Variants in SVEP1 observed in about 807,000 individuals in gnomAD.
SVEP1 encodes sushi, von Willebrand factor type A, EGF and pentraxin domain containing 1, also known as sushi, von Willebrand factor type A, EGF and pentraxin domain-containing protein 1.
Under a neutral mutation model 367.3 loss-of-function variants are expected in SVEP1, and 164 were observed. The ratio of observed to expected loss-of-function variants is 0.45; its 90% CI spans 0.39 to 0.51. The LOEUF is 0.51. Among genes scored for constraint, SVEP1 ranks in the 20% least tolerant of loss-of-function variants. SVEP1 has a pLI of 0.00. For synonymous variants in SVEP1, 1,666 were observed against 1,611.6 expected, an observed-to-expected ratio of 1.03 and a Z score of -0.81; for missense variants, 4,117 against 4,425.3, an observed-to-expected ratio of 0.93 and a Z score of 1.98.
intron 32 of SVEP1, 40 bp from the exon 33 acceptor site, chr9:110,430,490 C>T (rs375693295): frequency 6.4e-7 from 1 of 1,566,738 alleles, no homozygotes; most frequent in African/African-American, 1.4e-5. Context: ...AAGTGGCTTT[C>T]ACACAACCAT....
At chr9:110,535,455 C>T (rs776722503) in intron 3 of SVEP1, among the ~76,000 whole-genome samples, 61 of 152,212 alleles carry the variant, frequency 4.0e-4, no homozygotes, top group Admixed American at 1.2e-3. Context: ...TAACATGATG[C>T]GTCCACCTTT....
chr9:110,523,853 G>A lies in SVEP1; in HGVS notation c.965-9747C>T, dbSNP rs567563867. On this transcript the variant is annotated intron_variant, in intron 3 of 47. Transcript: ENST00000374469. ...AGGGAAGGAAATAGTAAATATAAGA[G>A]CAGAAATCAATAAAATTAAAAACAG... Among the ~76,000 whole-genome samples the A allele has an allele frequency of 3.8e-4, 58 of 151,162 alleles. 1 individual carries two copies. Among genetic ancestry groups the A allele is most frequent in the South Asian group, 1.5e-3 (7 of 4,782 alleles).
intron 3 of SVEP1, among the ~76,000 whole-genome samples, chr9:110,539,014 C>T (rs190989921): frequency 6.6e-6 from 1 of 152,034 alleles, no homozygotes; most frequent in Non-Finnish European, 1.5e-5. Context: ...GCTAGGAATC[C>T]TGTGGTGCTC....
chr9:110,444,961 G>C (rs571045028), intron 26 of SVEP1, among the ~76,000 whole-genome samples: 1 of 152,258 alleles, frequency 6.6e-6, no homozygotes, highest in Admixed American at 6.5e-5. Flanking sequence ...AGAATAGTGA[G>C]ATTCCCTTGG....
At chr9:110,563,938 C>A (rs1830459724) in intron 1 of SVEP1, among the ~76,000 whole-genome samples, 1 of 152,084 alleles carries the variant, frequency 6.6e-6, no homozygotes, top group Non-Finnish European at 1.5e-5. Context: ...GTTCTTTGTG[C>A]CCTAATTCAA....
At chr9:110,398,673 G>T (rs1827807957) in intron 40 of SVEP1, among the ~76,000 whole-genome samples, 1 of 152,182 alleles carries the variant, frequency 6.6e-6, no homozygotes, top group Admixed American at 6.5e-5. Context: ...CCATCAAAAA[G>T]TGGGAGAAGG....
intron 40 of SVEP1, among the ~76,000 whole-genome samples, chr9:110,390,080 T>TACTTATATAA (rs1564127188): frequency 3.2e-4 from 41 of 130,002 alleles, no homozygotes; most frequent in African/African-American, 7.4e-4. Context: ...TATATATACG[T>TACTTATATAA]GTATATATAC....
At chr9:110,381,295 T>C (rs997303857) in intron 43 of SVEP1, among the ~76,000 whole-genome samples, 1 of 152,212 alleles carries the variant, frequency 6.6e-6, no homozygotes, top group Admixed American at 6.5e-5. Context: ...AGTTGTGATG[T>C]TAGGGTGTCA....
At chr9:110,405,242 G>A (rs1827936983) in intron 38 of SVEP1, among the ~76,000 whole-genome samples, 1 of 149,842 alleles carries the variant, frequency 6.7e-6, no homozygotes, top group Non-Finnish European at 1.5e-5. Flanking sequence ...TAGGAATACA[G>A]CATAATTAAT....
rs929843205 is a variant in SVEP1, at chr9:110,541,751, A to C, written c.964+4364T>G. Among the ~76,000 whole-genome samples, 3 of 149,358 alleles carry C rather than the reference A, an allele frequency of 2.0e-5. No homozygotes were observed. In the Admixed American group the frequency reaches 2.0e-4, roughly 10 times the overall value. ...GCAATCTATATACATATCTACATACATCTATATACATAGATATCTATATAT... is the reference window on the plus strand; with the variant it reads ...GCAATCTATATACATATCTACATACCTCTATATACATAGATATCTATATAT... On this transcript the variant is annotated intron_variant, in intron 3 of 47. Transcript: ENST00000374469.
intron 18 of SVEP1, among the ~76,000 whole-genome samples, chr9:110,463,008 T>C (rs766676454): frequency 5.3e-5 from 8 of 152,082 alleles, no homozygotes; most frequent in Non-Finnish European, 1.0e-4. Context: ...TGAGATGATG[T>C]ATATGTGCAT....
chr9:110,497,599 T>A (rs1346692374), intron 7 of SVEP1, among the ~76,000 whole-genome samples: 1 of 152,172 alleles, frequency 6.6e-6, no homozygotes, highest in Non-Finnish European at 1.5e-5. Context: ...CACTTGAAAA[T>A]GAGGCTGTCA....
intron 39 of SVEP1, among the ~76,000 whole-genome samples, chr9:110,402,333 C>T (rs1164244189): frequency 6.6e-6 from 1 of 151,970 alleles, no homozygotes; most frequent in Non-Finnish European, 1.5e-5. Flanking sequence ...AGAGACTGGT[C>T]CTCTTTCAGT....
chr9:110,481,580 G>C, intron 11 of SVEP1, 144 bp from the exon 12 acceptor site: 1 of 510,666 alleles, frequency 2.0e-6, no homozygotes, highest in Non-Finnish European at 3.2e-6. Flanking sequence ...CTTTAGTGCA[G>C]GAGAAGGACA....
chr9:110,378,490 G>A (rs1329620587), intron 44 of SVEP1, among the ~76,000 whole-genome samples: 2 of 152,058 alleles, frequency 1.3e-5, no homozygotes, highest in Admixed American at 1.3e-4. Flanking sequence ...TGTAGATTCT[G>A]GATATTAGCC....
chr9:110,456,757 C>T (rs1828781514), intron 21 of SVEP1, among the ~76,000 whole-genome samples: 1 of 152,140 alleles, frequency 6.6e-6, no homozygotes, highest in Admixed American at 6.6e-5. Context: ...TTAAAAACCC[C>T]CATAATTCAT....
chr9:110,508,760 CAAAAAAAAA>C (rs11316319), intron 5 of SVEP1, among the ~76,000 whole-genome samples: 6 of 76,496 alleles, frequency 7.8e-5, no homozygotes, highest in African/African-American at 1.1e-4. Flanking sequence ...GACTCCATCT[CAAAAAAAAA>C]AAAAAAAAAA....
In SVEP1 at chr9:110,579,070, A is replaced by G. The variant is rs1248625621; in HGVS notation, c.474T>C (p.Pro158=). 8.4e-6 allele frequency: 13 copies of G among 1,550,426 alleles called. No individual in the cohort carries two copies. Among genetic ancestry groups the G allele is most frequent in the Non-Finnish European group, 1.0e-5 (12 of 1,147,160 alleles). ...HKCALLLQEI[P]AISYRGGGTY... is the part of the protein sequence containing the mutation. Reference sequence around the variant, plus strand: ...TGCCGCCACCTCGGTAGGAGATGGCAGGGATCTCTTGGAGGAGCAGCGCGC... The same window carrying G: ...TGCCGCCACCTCGGTAGGAGATGGCGGGGATCTCTTGGAGGAGCAGCGCGC... The change falls in exon 1 of 48, where the codon CCT becomes CCC. Residue 158 remains proline, a synonymous_variant. Transcript: ENST00000374469. This position sits in a 1 kb window ranked among gnomAD's most constrained non-coding sequence, Gnocchi z 5.3.
intron 8 of SVEP1, among the ~76,000 whole-genome samples, chr9:110,495,958 ATCTTT>A (rs1312773120): frequency 1.3e-5 from 2 of 152,188 alleles, no homozygotes; most frequent in African/African-American, 4.8e-5. Context: ...TTGAGTCCAC[ATCTTT>A]TCTTTTCTTA....
Sources: gnomAD v4.1 joint callset for allele counts (sites outside exome capture counted in the v4.1 genomes callset) on GRCh38, gnomAD v4.1.1 for gene constraint, Gnocchi (gnomAD v3.1) non-coding constraint, MANE v1.5 for transcripts, NCBI Gene and HGNC (gene_info 2026-07-23, HGNC 2026-07-21) for gene names.